Variants in CPNE8 observed in about 807,000 individuals in gnomAD.
The protein encoded by CPNE8 is copine 8.
Under a neutral mutation model 81.5 loss-of-function variants are expected in CPNE8, and 45 were observed. That is an observed-to-expected ratio of 0.55 (90% CI 0.44 to 0.71). CPNE8 has a LOEUF of 0.71. Ranked by LOEUF, CPNE8 falls within the 30% of genes least tolerant of loss-of-function variation. CPNE8 has a pLI of 0.00. For missense variants in CPNE8, 594 were observed against 672.1 expected, an observed-to-expected ratio of 0.88 and a Z score of 1.28; for synonymous variants, 252 against 226.3, an observed-to-expected ratio of 1.11 and a Z score of -1.02.
chr12:38,903,593 T>C (rs1039450402), intron 1 of CPNE8, among the ~76,000 whole-genome samples: 2 of 152,232 alleles, frequency 1.3e-5, no homozygotes, highest in Admixed American at 1.3e-4. Context: ...TCAGACTTGA[T>C]TGACAATATT....
chr12:38,810,464 T>C lies in CPNE8; in HGVS notation c.407+18915A>G, dbSNP rs184206780. ...TAGACTTTCCTGATACTCAATCTCT[T>C]CATTTGAGAGTCTTCGGCCATTTGG... is the stretch of plus-strand genomic sequence containing the variant. On this transcript the variant is annotated intron_variant, in intron 6 of 19. Coordinates refer to ENST00000331366, the MANE Select transcript of CPNE8 (RefSeq NM_153634.3). Among the ~76,000 whole-genome samples, 7 of 152,272 alleles carry C rather than the reference T, an allele frequency of 4.6e-5. No homozygotes were observed. The East Asian group carries it at 1.4e-3, about 29-fold the overall frequency.
chr12:38,848,956 A>T (rs925219323), intron 3 of CPNE8, among the ~76,000 whole-genome samples: 2 of 152,144 alleles, frequency 1.3e-5, no homozygotes, highest in African/African-American at 4.8e-5. Context: ...AGTTATTTCT[A>T]CCTAAAATTT....
chr12:38,798,806 C>T (rs1435495714), intron 6 of CPNE8, among the ~76,000 whole-genome samples: 1 of 152,122 alleles, frequency 6.6e-6, no homozygotes, highest in Non-Finnish European at 1.5e-5. Flanking sequence ...GGAAACCTAT[C>T]TCACATGCAG....
intron 13 of CPNE8, among the ~76,000 whole-genome samples, chr12:38,704,672 G>A (rs1042858551): frequency 2.0e-5 from 3 of 151,678 alleles, no homozygotes; most frequent in Non-Finnish European, 2.9e-5. Context: ...CAGTGATCCT[G>A]TGGCTGATTG....
At chr12:38,897,675 G>A (rs1013065070) in intron 1 of CPNE8, among the ~76,000 whole-genome samples, 6 of 150,698 alleles carry the variant, frequency 4.0e-5, no homozygotes, top group African/African-American at 1.2e-4. Context: ...TATATTATAT[G>A]TGTGTATATA....
intron 1 of CPNE8, among the ~76,000 whole-genome samples, chr12:38,904,689 G>A (rs890335592): frequency 6.6e-6 from 1 of 151,958 alleles, no homozygotes; most frequent in Non-Finnish European, 1.5e-5. Flanking sequence ...GGCTGGTCTC[G>A]AACTCCTGAC....
chr12:38,859,330 T>G (rs1182079355), intron 3 of CPNE8, among the ~76,000 whole-genome samples: 1 of 152,090 alleles, frequency 6.6e-6, no homozygotes, highest in Non-Finnish European at 1.5e-5. Flanking sequence ...ACTTAAGAGA[T>G]AATTTCTTTC....
intron 13 of CPNE8, among the ~76,000 whole-genome samples, chr12:38,708,293 C>T (rs942999165): frequency 1.3e-5 from 2 of 151,758 alleles, no homozygotes; most frequent in African/African-American, 4.8e-5. Context: ...ACATTTCAAT[C>T]AGTAACGTCA....
intron 19 of CPNE8, among the ~76,000 whole-genome samples, chr12:38,657,601 G>A (rs1049063391): frequency 5.3e-5 from 8 of 152,256 alleles, no homozygotes; most frequent in East Asian, 3.9e-4. Context: ...CCCGTATAGC[G>A]TAACTGGGAG....
intron 10 of CPNE8, among the ~76,000 whole-genome samples, chr12:38,755,889 A>T (rs1309835430): frequency 6.6e-6 from 1 of 151,506 alleles, no homozygotes; most frequent in Non-Finnish European, 1.5e-5. Flanking sequence ...AAATACAAAA[A>T]ATTAGCCGGG....
At chr12:38,905,617 A>T (rs894485409), upstream of CPNE8, 2 of 1,520,742 alleles carry the variant, frequency 1.3e-6, no homozygotes, top group African/African-American at 2.8e-5. Context: ...TCAGGCGGGG[A>T]TGGGGGTTGA....
chr12:38,740,401 A>G (rs919477470), intron 10 of CPNE8, among the ~76,000 whole-genome samples: 4 of 152,150 alleles, frequency 2.6e-5, no homozygotes, highest in African/African-American at 9.7e-5. Context: ...CTCCTGCCTG[A>G]TTGCCGTGGC....
intron 4 of CPNE8, 118 bp from the exon 5 acceptor site, chr12:38,840,073 A>G: frequency 9.7e-7 from 1 of 1,031,738 alleles, no homozygotes; most frequent in Non-Finnish European, 1.3e-6. Context: ...TACCAATAGG[A>G]AGAAAAACTT....
At chr12:38,654,929 C>T (rs1469738294) in intron 19 of CPNE8, among the ~76,000 whole-genome samples, 1 of 152,036 alleles carries the variant, frequency 6.6e-6, no homozygotes, top group African/African-American at 2.4e-5. Flanking sequence ...ATCGCATGGA[C>T]TATGAATATA....
chr12:38,657,792 G>C (rs1461992616), intron 19 of CPNE8, among the ~76,000 whole-genome samples: 1 of 152,158 alleles, frequency 6.6e-6, no homozygotes, highest in Non-Finnish European at 1.5e-5. Context: ...AACTCTAAAA[G>C]ACCTGCAGCT....
rs142387770 is a variant in CPNE8, at chr12:38,655,671, G to A, written c.1507-1601C>T. 4.4e-3 allele frequency among the ~76,000 whole-genome samples: 664 copies of A among 152,122 alleles called. 8 individuals are homozygous for A. The East Asian group carries it at 0.047, about 11-fold the overall frequency. The stretch of plus-strand genomic sequence containing the variant: ...GGAAAACAATCATTATTGGAAGGAA[G>A]CATTTAAAATGATCAGGTTGCTACA... On this transcript the variant is annotated intron_variant, in intron 19 of 19. Coordinates refer to ENST00000331366, the MANE Select transcript of CPNE8 (RefSeq NM_153634.3).
intron 6 of CPNE8, among the ~76,000 whole-genome samples, chr12:38,810,555 C>T (rs1356018893): frequency 3.3e-5 from 5 of 152,072 alleles, no homozygotes; most frequent in African/African-American, 1.2e-4. Context: ...CTAACATGTT[C>T]TTCAAAATTC....
intron 12 of CPNE8, 117 bp downstream of exon 12, chr12:38,724,729 C>T: frequency 3.0e-6 from 2 of 665,004 alleles, no homozygotes; most frequent in South Asian, 4.2e-5. Flanking sequence ...TATTAAAACC[C>T]TGAGTGAAAC....
chr12:38,782,676 TG>T (rs1942081179), intron 6 of CPNE8, among the ~76,000 whole-genome samples: 1 of 150,870 alleles, frequency 6.6e-6, no homozygotes, highest in South Asian at 2.1e-4. Context: ...TTTTTTGTTT[TG>T]TTTTTGTTTT....
Sources: gnomAD v4.1 joint callset for allele counts (sites outside exome capture counted in the v4.1 genomes callset) on GRCh38, gnomAD v4.1.1 for gene constraint, MANE v1.5 for transcripts, NCBI Gene and HGNC (gene_info 2026-07-23, HGNC 2026-07-21) for gene names.